Variants in LARGE1 observed in about 807,000 individuals in gnomAD.
LARGE1 encodes xylosyl- and glucuronyltransferase LARGE1.
Under a neutral mutation model 87.6 loss-of-function variants are expected in LARGE1, and 43 were observed. That is an observed-to-expected ratio of 0.49 (90% confidence interval 0.38 to 0.63). LARGE1 has a LOEUF of 0.63. Ranked by LOEUF, LARGE1 falls within the 30% of genes least tolerant of loss-of-function variation. The pLI, the probability that LARGE1 is intolerant of heterozygous loss-of-function variation, is 0.00. For missense variants in LARGE1, 802 were observed against 1,000.2 expected, an observed-to-expected ratio of 0.80 and a Z score of 2.67; for synonymous variants, 434 against 394.6, an observed-to-expected ratio of 1.10 and a Z score of -1.18.
chr22:33,154,649 T>C, the LARGE1 span, among the ~76,000 whole-genome samples: 1 of 152,218 alleles, frequency 6.6e-6, no homozygotes, highest in East Asian at 1.9e-4. Flanking sequence ...CACTCTTTCT[T>C]CCTTTCCTTC....
At chr22:33,258,813 G>A (rs1468754738) in intron 11 of LARGE1, among the ~76,000 whole-genome samples, 1 of 151,606 alleles carries the variant, frequency 6.6e-6, no homozygotes, top group Non-Finnish European at 1.5e-5. Flanking sequence ...CCCCTTTCCT[G>A]TAACAGCAGG....
intron 11 of LARGE1, among the ~76,000 whole-genome samples, chr22:33,315,421 A>G (rs1363191132): frequency 1.3e-5 from 2 of 152,234 alleles, no homozygotes; most frequent in Non-Finnish European, 2.9e-5. Flanking sequence ...CAATACACAT[A>G]GAAGGAAAAG....
exon 12 of LARGE1, chr22:33,162,401 C>T (rs547021818): frequency 3.9e-5 from 6 of 152,272 alleles, no homozygotes; most frequent in Non-Finnish European, 8.8e-5. Flanking sequence ...AACTCAGTCA[C>T]TATCACAGAA....
chr22:33,678,769 T>C (rs2081655743), intron 2 of LARGE1, among the ~76,000 whole-genome samples: 1 of 152,182 alleles, frequency 6.6e-6, no homozygotes, highest in Admixed American at 6.6e-5. Flanking sequence ...GACAGAACCC[T>C]GCATGACTAC....
At chr22:33,555,692 G>GTAAT (rs1321235060) in intron 6 of LARGE1, among the ~76,000 whole-genome samples, 1 of 152,078 alleles carries the variant, frequency 6.6e-6, no homozygotes, top group Non-Finnish European at 1.5e-5. Flanking sequence ...ACTTTGGGTG[G>GTAAT]CCGAGACAGG....
At chr22:33,239,556 T>TTTTTTTTTA (rs398036943) in intron 11 of LARGE1, among the ~76,000 whole-genome samples, 1 of 142,610 alleles carries the variant, frequency 7.0e-6, no homozygotes, top group Admixed American at 7.0e-5. Flanking sequence ...TTTTTTTTTT[T>TTTTTTTTTA]GAGACAGAGT....
At chr22:33,779,397 A>G (rs1302330718) in intron 1 of LARGE1, among the ~76,000 whole-genome samples, 1 of 142,954 alleles carries the variant, frequency 7.0e-6, no homozygotes, top group Non-Finnish European at 1.6e-5. Context: ...AATAGTACAG[A>G]GTGGAACCAG....
At chr22:33,897,909 T>A (rs2146877211) in intron 1 of LARGE1, among the ~76,000 whole-genome samples, 1 of 152,326 alleles carries the variant, frequency 6.6e-6, no homozygotes, top group South Asian at 2.1e-4. Flanking sequence ...TCTCTGTAGT[T>A]CTGGGTGGCA....
chr22:33,299,657 C>A (rs1933879090), intron 12 of LARGE1, among the ~76,000 whole-genome samples: 1 of 152,168 alleles, frequency 6.6e-6, no homozygotes, highest in South Asian at 2.1e-4. Flanking sequence ...GGGCACCCGC[C>A]ATAGCCCCAC....
intron 4 of LARGE1, among the ~76,000 whole-genome samples, chr22:33,622,278 T>A (rs138757975): frequency 6.6e-6 from 1 of 152,298 alleles, no homozygotes; most frequent in Non-Finnish European, 1.5e-5. Flanking sequence ...GAGTGAGTTC[T>A]CACCAGATCT....
At chr22:33,252,111 T>A (rs886594373) in intron 11 of LARGE1, among the ~76,000 whole-genome samples, 7 of 152,238 alleles carry the variant, frequency 4.6e-5, no homozygotes, top group Non-Finnish European at 1.0e-4. Context: ...TTTTATTACC[T>A]CTATATCTGG....
rs147975670 is a variant in LARGE1 at position 33,596,944 on chromosome 22, G to A, written c.615+7491C>T. On this transcript the variant is annotated intron_variant, in intron 5 of 14. Coordinates refer to ENST00000397394, the MANE Select transcript of LARGE1 (RefSeq NM_133642.5). ...CTCTGGGTATTAACACATTATTAGT[G>A]AACTGGGGGATTCAGAAGGCCACAC... 2.6e-5 allele frequency among the ~76,000 whole-genome samples: 4 copies of A among 152,272 alleles called. No individual in the cohort carries two copies. The East Asian group carries it at 7.7e-4, about 29-fold the overall frequency.
chr22:33,346,245 TTCCTTC>T, intron 9 of LARGE1, among the ~76,000 whole-genome samples: 1 of 150,624 alleles, frequency 6.6e-6, no homozygotes, highest in Non-Finnish European at 1.5e-5. Context: ...CCTTCCTTCC[TTCCTTC>T]CTCTCTTCTC....
At chr22:33,784,412 C>CT (rs1376674786) in intron 1 of LARGE1, among the ~76,000 whole-genome samples, 2 of 152,170 alleles carry the variant, frequency 1.3e-5, no homozygotes, top group Non-Finnish European at 2.9e-5. Context: ...ACCCAGCAAT[C>CT]TGACTCCAGA....
chr22:33,708,484 T>C (rs928375944), intron 2 of LARGE1, among the ~76,000 whole-genome samples: 2 of 152,156 alleles, frequency 1.3e-5, no homozygotes, highest in Non-Finnish European at 2.9e-5. Context: ...CCTCATACTA[T>C]GTTGCTAGGG....
the LARGE1 span, among the ~76,000 whole-genome samples, chr22:33,089,097 G>T: frequency 1.3e-5 from 2 of 152,072 alleles, no homozygotes; most frequent in Admixed American, 6.6e-5. Flanking sequence ...CTAGGTCATT[G>T]CAACTCCAGA....
At chr22:33,552,716 T>G (rs1027328627) in intron 6 of LARGE1, among the ~76,000 whole-genome samples, 2 of 152,222 alleles carry the variant, frequency 1.3e-5, no homozygotes, top group African/African-American at 4.8e-5. Context: ...CTGCTGATTG[T>G]ACGATATATC....
intron 6 of LARGE1, among the ~76,000 whole-genome samples, chr22:33,455,850 G>C (rs1341693762): frequency 6.6e-6 from 1 of 151,872 alleles, no homozygotes; most frequent in Non-Finnish European, 1.5e-5. Context: ...TGTGCGTGAA[G>C]AGTGAGTTTG....
intron 11 of LARGE1, among the ~76,000 whole-genome samples, chr22:33,266,395 C>T (rs574099710): frequency 2.6e-5 from 4 of 150,944 alleles, no homozygotes; most frequent in East Asian, 3.9e-4. Context: ...CTAATTTTTT[C>T]GTATTTTTAG....
Sources: allele counts gnomAD v4.1 joint callset (sites outside exome capture counted in the v4.1 genomes callset), GRCh38; gene constraint gnomAD v4.1.1; transcripts MANE v1.5; gene names NCBI Gene and HGNC (gene_info 2026-07-23, HGNC 2026-07-21).